Variants in INPP5K observed in about 807,000 individuals in gnomAD.
The protein encoded by INPP5K is inositol polyphosphate 5-phosphatase K.
A neutral mutation model predicts 53.5 loss-of-function variants in INPP5K; 35 were observed. The observed-to-expected ratio is 0.65, with a 90% CI of 0.50 to 0.87. INPP5K has a LOEUF of 0.87. Among genes scored for constraint, INPP5K ranks in the 40% least tolerant of loss-of-function variants. INPP5K has a pLI of 0.00. For synonymous variants in INPP5K, 253 were observed against 232.8 expected, an observed-to-expected ratio of 1.09 and a Z score of -0.79; for missense variants, 550 against 586.2, an observed-to-expected ratio of 0.94 and a Z score of 0.64.
At chr17:1,509,500 T>G in intron 4 of INPP5K, 147 bp from the exon 5 acceptor site, 3 of 939,436 alleles carry the variant, frequency 3.2e-6, no homozygotes, top group Non-Finnish European at 5.0e-6. Flanking sequence ...GATCTCTCCA[T>G]GCACAGAGCC....
intron 6 of INPP5K, chr17:1,507,368 G>A (rs983995796): frequency 9.4e-6 from 4 of 427,374 alleles, no homozygotes; most frequent in Non-Finnish European, 1.7e-5. Context: ...CATCTCTAGG[G>A]GAGATCACTA....
intron 7 of INPP5K, 197 bp from the exon 8 acceptor site, chr17:1,498,319 A>C (rs1879488): frequency 0.87 from 411,909 of 471,172 alleles, 183,610 homozygotes; most frequent in Middle Eastern, 0.94. Flanking sequence ...GTATGCCAGC[A>C]CTTGTCAGAC....
intron 7 of INPP5K, among the ~76,000 whole-genome samples, chr17:1,498,444 A>G (rs2074920148): frequency 6.6e-6 from 1 of 152,188 alleles, no homozygotes. Flanking sequence ...AGTGGATCAA[A>G]GCAGCTGAGG....
chr17:1,502,822 A>G (rs889108961), intron 7 of INPP5K, among the ~76,000 whole-genome samples: 4 of 151,080 alleles, frequency 2.6e-5, no homozygotes, highest in African/African-American at 9.7e-5. Flanking sequence ...TTGAACTCCG[A>G]GGCTCAAATG....
chr17:1,508,318 G>C, intron 5 of INPP5K, 92 bp from the exon 6 acceptor site: 2 of 967,378 alleles, frequency 2.1e-6, no homozygotes, highest in Non-Finnish European at 3.3e-6. Context: ...CCCAAGGGCT[G>C]CTGGGGCACA....
At chr17:1,503,957 GCTGA>G in intron 7 of INPP5K, among the ~76,000 whole-genome samples, 1 of 152,304 alleles carries the variant, frequency 6.6e-6, no homozygotes, top group Middle Eastern at 3.4e-3. Context: ...TCGTCAGTGT[GCTGA>G]CTGATTGGAA....
rs2074798099 is a variant in INPP5K, at chr17:1,495,254, CT to C, written c.*568del. 1 of 152,518 alleles carries C rather than the reference CT, an allele frequency of 6.6e-6. No homozygotes were observed. Among genetic ancestry groups the C allele is most frequent in the Non-Finnish European group, 1.5e-5 (1 of 68,278 alleles). 9.4% of individuals were successfully genotyped at this position (152,518 alleles called of 1,614,324 possible). On this transcript the variant is annotated 3_prime_UTR_variant, in exon 12 of 12. Transcript: ENST00000421807. ...CTGCTCATAACCATGGCGTAAGAGC[CT>C]GGCTAGAGGGGCCCCTCCATTCTGC...
chr17:1,505,900 C>T (rs2075144274), intron 7 of INPP5K, among the ~76,000 whole-genome samples: 1 of 152,084 alleles, frequency 6.6e-6, no homozygotes, highest in South Asian at 2.1e-4. Flanking sequence ...GTTCCTTGCC[C>T]CAAAATGAGT....
At chr17:1,507,475 G>A (rs1243970104) in intron 6 of INPP5K, 2 of 219,616 alleles carry the variant, frequency 9.1e-6, no homozygotes, top group African/African-American at 2.3e-5. Flanking sequence ...TGGGAAAGAC[G>A]ACAGGGACAC....
Position 1,507,057 on chromosome 17 carries a change from G to C in INPP5K, c.699C>G (p.Leu233=). 2 of 1,614,032 alleles carry C rather than the reference G, an allele frequency of 1.2e-6. No individual in the cohort carries two copies. The stretch of plus-strand genomic sequence containing the variant: ...GTAGGCGGCCCTCCTGGAACTCCCG[G>C]AGCAGCGGGTCATGTTTCTTGGCAA... ...LSIAKKHDPL[L]REFQEGRLLF... Residue 233 remains leucine, a synonymous_variant, in exon 7 of 12, where the codon CTC becomes CTG. Transcript: ENST00000421807.
chr17:1,514,272 G>A (rs1366691404), intron 1 of INPP5K, among the ~76,000 whole-genome samples: 3 of 148,784 alleles, frequency 2.0e-5, no homozygotes, highest in African/African-American at 7.5e-5. Flanking sequence ...GCAGTGAGCC[G>A]ACATTGTGCC....
intron 5 of INPP5K, chr17:1,508,492 G>A (rs940628650): frequency 2.5e-5 from 11 of 448,162 alleles, no homozygotes; most frequent in South Asian, 4.6e-5. Flanking sequence ...AACTGGTCAC[G>A]AGGAAAGGCT....
At chr17:1,509,479 C>T in intron 4 of INPP5K, 126 bp from the exon 5 acceptor site, 2 of 997,876 alleles carry the variant, frequency 2.0e-6, no homozygotes, top group Non-Finnish European at 1.5e-6. Context: ...AGTAACTAAG[C>T]TTCCCAGGGT....
chr17:1,506,835 G>T (rs1244821949), intron 7 of INPP5K, 145 bp downstream of exon 7: 1 of 590,716 alleles, frequency 1.7e-6, no homozygotes, highest in East Asian at 3.0e-5. Flanking sequence ...GCCTCATGAA[G>T]TGGACAGGAG....
At chr17:1,516,129 G>A (rs147976822) in intron 1 of INPP5K, 14 of 1,267,606 alleles carry the variant, frequency 1.1e-5, no homozygotes, top group Non-Finnish European at 1.4e-5. Context: ...CTGATGAAAA[G>A]TAGGAAAAAG....
rs1567544624 is a variant in INPP5K, at chr17:1,496,112, C to G, written c.1238G>C (p.Cys413Ser). 6.2e-7 allele frequency: 1 copy of G among 1,613,574 alleles called. No homozygotes were observed. The highest frequency in any genetic ancestry group is 8.5e-7 in the Non-Finnish European group (1 of 1,179,620). The change falls in exon 11 of 12, where the codon TGT becomes TCT. Residue 413 changes from cysteine (C) to serine (S), a missense_variant. By Grantham distance (112) the Cys-to-Ser change is moderately radical (BLOSUM62 -1). Transcript: ENST00000421807. ...IPTTEDEFLL[C>S]YYSNSLRSVV... ...AGAACGCAGACTGTTGCTGTAGTAA[C>G]AGAGGAGAAACTCATCTTCAGTGGT...
chr17:1,515,812 C>G, intron 1 of INPP5K: 22 of 780,060 alleles, frequency 2.8e-5, no homozygotes, highest in Non-Finnish European at 3.4e-5. Context: ...CATTTGTTTA[C>G]GATCTCCCCC....
chr17:1,503,372 G>A (rs113913450), intron 7 of INPP5K, among the ~76,000 whole-genome samples: 7,238 of 151,810 alleles, frequency 0.048, 228 homozygotes, highest in Non-Finnish European at 0.073. Context: ...TTTTAGTAGA[G>A]ACGGGGTTTC....
chr17:1,505,356 C>A (rs184035076), intron 7 of INPP5K, among the ~76,000 whole-genome samples: 7 of 152,254 alleles, frequency 4.6e-5, no homozygotes, highest in Non-Finnish European at 7.4e-5. Flanking sequence ...GAACTCCTGG[C>A]TTCAAGCACC....
Sources: allele counts gnomAD v4.1 joint callset (sites outside exome capture counted in the v4.1 genomes callset), GRCh38; gene constraint gnomAD v4.1.1; transcripts MANE v1.5; gene names NCBI Gene and HGNC (gene_info 2026-07-23, HGNC 2026-07-21).